SHISA6: variants seen among roughly 807,000 people sequenced by gnomAD.
SHISA6 encodes the protein protein shisa-6.
A neutral mutation model predicts 47.9 loss-of-function variants in SHISA6; 22 were observed. The ratio of observed to expected loss-of-function variants is 0.46; its 90% CI spans 0.33 to 0.66. The LOEUF is 0.66. SHISA6 is among the 30% of genes least tolerant of loss of function. SHISA6 has a pLI of 0.02. For missense variants in SHISA6, 680 were observed against 764.6 expected, an observed-to-expected ratio of 0.89 and a Z score of 1.30; for synonymous variants, 388 against 337.8, an observed-to-expected ratio of 1.15 and a Z score of -1.63.
intron 2 of SHISA6, among the ~76,000 whole-genome samples, chr17:11,344,238 T>C (rs1424348419): frequency 2.0e-5 from 3 of 152,356 alleles, no homozygotes; most frequent in Middle Eastern, 3.4e-3. Context: ...TTATCACATA[T>C]AGAATTTGTA....
chr17:11,373,209 C>G (rs996499979), intron 2 of SHISA6, among the ~76,000 whole-genome samples: 2 of 151,596 alleles, frequency 1.3e-5, no homozygotes, highest in African/African-American at 2.4e-5. Context: ...ATTCTCCCAT[C>G]TATGGTGACT....
chr17:11,544,120 G>GA (rs2071859956), intron 3 of SHISA6, among the ~76,000 whole-genome samples: 1 of 151,476 alleles, frequency 6.6e-6, no homozygotes, highest in South Asian at 2.1e-4. Context: ...AAAGCATGAA[G>GA]AAAAAAACAG....
intron 3 of SHISA6, among the ~76,000 whole-genome samples, chr17:11,459,047 TAA>T (rs59949072): frequency 2.1e-4 from 30 of 145,566 alleles, no homozygotes; most frequent in African/African-American, 4.3e-4. Context: ...CCGTCTCTAC[TAA>T]AAAAAAAAAA....
At position 11,337,419 on chromosome 17, in the gene SHISA6, G is replaced by A. The variant is rs181105208; in HGVS notation, c.800-41995G>A. 3.2e-4 allele frequency among the ~76,000 whole-genome samples: 49 copies of A among 152,286 alleles called. 1 individual carries two copies. Among genetic ancestry groups the A allele is most frequent in the East Asian group, 1.9e-4 (1 of 5,172 alleles). On this transcript the variant is annotated intron_variant, in intron 2 of 5. Coordinates refer to ENST00000441885, the MANE Select transcript of SHISA6 (RefSeq NM_207386.4). ...TGCCATGCACTTCGGGCTTGCACCT[G>A]CACGAGGCTGGGCAAAACTCAGAGA...
intron 2 of SHISA6, among the ~76,000 whole-genome samples, chr17:11,357,008 T>G (rs1340130350): frequency 6.6e-6 from 1 of 151,774 alleles, no homozygotes; most frequent in East Asian, 1.9e-4. Context: ...CTGTCTGTAC[T>G]TAAAATACAA....
chr17:11,503,936 T>C (rs1443367635), intron 3 of SHISA6, among the ~76,000 whole-genome samples: 1 of 152,236 alleles, frequency 6.6e-6, no homozygotes, highest in Non-Finnish European at 1.5e-5. Context: ...TCTGTCTCTG[T>C]GTGTATTTAA....
At chr17:11,367,380 T>A (rs1452667531) in intron 2 of SHISA6, among the ~76,000 whole-genome samples, 1 of 152,116 alleles carries the variant, frequency 6.6e-6, no homozygotes, top group Non-Finnish European at 1.5e-5. Flanking sequence ...GGCTGTAAAT[T>A]CCCTGTGAAC....
At chr17:11,344,968 GT>G (rs1016224365) in intron 2 of SHISA6, among the ~76,000 whole-genome samples, 4 of 151,988 alleles carry the variant, frequency 2.6e-5, no homozygotes, top group Non-Finnish European at 4.4e-5. Context: ...AATAACCACA[GT>G]TCTATTCTCT....
intron 2 of SHISA6, among the ~76,000 whole-genome samples, chr17:11,274,732 C>G (rs1213917355): frequency 2.0e-5 from 3 of 152,192 alleles, no homozygotes; most frequent in African/African-American, 7.2e-5. Flanking sequence ...GGATTAGACA[C>G]AGTCCTGGCC....
chr17:11,254,164 C>A (rs534129478), intron 1 of SHISA6, among the ~76,000 whole-genome samples: 2 of 152,208 alleles, frequency 1.3e-5, no homozygotes, highest in Non-Finnish European at 2.9e-5. Flanking sequence ...TGGAGGTTGT[C>A]ATCCATCTTT....
chr17:11,524,269 A>G (rs1011475866), intron 3 of SHISA6, among the ~76,000 whole-genome samples: 1 of 152,060 alleles, frequency 6.6e-6, no homozygotes, highest in African/African-American at 2.4e-5. Context: ...ACTTGTTTCA[A>G]AGGGAGACAG....
intron 2 of SHISA6, among the ~76,000 whole-genome samples, chr17:11,323,584 G>A (rs991026920): frequency 2.0e-5 from 3 of 151,968 alleles, no homozygotes; most frequent in Non-Finnish European, 2.9e-5. Flanking sequence ...AACCCGGGAG[G>A]CAGAGGTTGC....
At chr17:11,443,137 C>T (rs1270678345) in intron 3 of SHISA6, among the ~76,000 whole-genome samples, 1 of 152,188 alleles carries the variant, frequency 6.6e-6, no homozygotes, top group Admixed American at 6.5e-5. Context: ...CTTGACCCGG[C>T]CTGAGAAGCC....
At chr17:11,452,594 G>A (rs1292466125) in intron 3 of SHISA6, among the ~76,000 whole-genome samples, 1 of 152,122 alleles carries the variant, frequency 6.6e-6, no homozygotes, top group Non-Finnish European at 1.5e-5. Context: ...GAATCTCACA[G>A]CATTCCTTCC....
At position 11,411,828 on chromosome 17, in the gene SHISA6, C is replaced by T. The variant is rs561709313; in HGVS notation, c.895+32319C>T. Among the ~76,000 whole-genome samples the T allele has an allele frequency of 9.9e-5, 15 of 152,272 alleles. No homozygotes were observed. The South Asian group carries it at 1.0e-3, about 11-fold the overall frequency. ...TGACCTTGCAGGTGATTAAGATTTT[C>T]GTCTGGGTAGCTGGAGTTTTATTGA... is the stretch of plus-strand genomic sequence containing the variant. On this transcript the variant is annotated intron_variant, in intron 3 of 5. Coordinates refer to ENST00000441885, the MANE Select transcript of SHISA6 (RefSeq NM_207386.4).
chr17:11,484,327 C>CTA (rs1205772469), intron 3 of SHISA6, among the ~76,000 whole-genome samples: 1 of 152,080 alleles, frequency 6.6e-6, no homozygotes, highest in African/African-American at 2.4e-5. Flanking sequence ...TGAGAACAAA[C>CTA]TAGAGAGAAA....
intron 3 of SHISA6, among the ~76,000 whole-genome samples, chr17:11,482,072 A>G (rs537560212): frequency 3.4e-4 from 51 of 152,170 alleles, no homozygotes; most frequent in Non-Finnish European, 4.1e-4. Flanking sequence ...GAGTTCTTGA[A>G]TAGGAGACCA....
Position 11,558,453 on chromosome 17 carries a change from T to G in SHISA6, c.*149T>G. On this transcript the variant is annotated 3_prime_UTR_variant, in exon 6 of 6. Transcript: ENST00000441885. The stretch of plus-strand genomic sequence containing the variant: ...TGGGCCACCTTTGCCCAAAAAGCCA[T>G]ACCCCCGGGGACACAGCCCCGATGG... The G allele has an allele frequency of 2.3e-6, 2 of 861,136 alleles. No homozygotes were observed. The highest frequency in any genetic ancestry group is 1.7e-5 in the African/African-American group (1 of 58,952). 53.3% of individuals were successfully genotyped at this position (861,136 alleles called of 1,614,324 possible).
At chr17:11,532,684 C>A (rs2071745896) in intron 3 of SHISA6, among the ~76,000 whole-genome samples, 1 of 147,608 alleles carries the variant, frequency 6.8e-6, no homozygotes, top group Non-Finnish European at 1.5e-5. Flanking sequence ...TGAATGCAGT[C>A]TAAGGCCCAA....
Sources: gnomAD v4.1 joint callset for allele counts (sites outside exome capture counted in the v4.1 genomes callset) on GRCh38, gnomAD v4.1.1 for gene constraint, MANE v1.5 for transcripts, NCBI Gene and HGNC (gene_info 2026-07-23, HGNC 2026-07-21) for gene names.